INPP4A: variants seen among roughly 807,000 people sequenced by gnomAD.
The protein encoded by INPP4A is inositol polyphosphate-4-phosphatase type I A.
In INPP4A, 33 loss-of-function variants were observed where a neutral mutation model predicts 119.8. That is an observed-to-expected ratio of 0.28 (90% CI 0.21 to 0.37). The LOEUF (loss-of-function observed/expected upper bound fraction) is 0.37. Ranked by LOEUF, INPP4A falls within the 10% of genes least tolerant of loss-of-function variation. The pLI is 1.00. For missense variants in INPP4A, 956 were observed against 1,289.9 expected, an observed-to-expected ratio of 0.74 and a Z score of 3.97; for synonymous variants, 496 against 500.7, an observed-to-expected ratio of 0.99 and a Z score of 0.12.
rs745975131 is a variant in INPP4A, at chr2:98,546,716, G to A, written c.1163+22G>A. 3.5e-6 allele frequency: 5 copies of A among 1,410,488 alleles called. No individual in the cohort carries two copies. Among genetic ancestry groups the A allele is most frequent in the Non-Finnish European group, 5.0e-6 (5 of 994,514 alleles). 87.4% of individuals were successfully genotyped at this position (1,410,488 alleles called of 1,614,324 possible). A position where few individuals can be genotyped will look rare whatever the true frequency, so the allele number is the denominator to read the frequency against. On this transcript the variant is annotated intron_variant, in intron 13 of 24. Coordinates refer to ENST00000409851, the MANE Select transcript of INPP4A (RefSeq NM_001134225.2). The surrounding 1 kb of genome is among the most constrained non-coding windows in gnomAD (Gnocchi z 4.2). ...AACAGTAAGTAGCCAGAGAGGGTTT[G>A]TGGTCCTTGTACAGCTTTCTGATGC...
At chr2:98,448,513 T>C (rs1295129998) in intron 1 of INPP4A, among the ~76,000 whole-genome samples, 3 of 152,190 alleles carry the variant, frequency 2.0e-5, no homozygotes, top group Non-Finnish European at 4.4e-5. Context: ...GTCTCTGTAG[T>C]GTCCTTTAAT....
At chr2:98,518,552 G>T (rs1686582126) in intron 1 of INPP4A, among the ~76,000 whole-genome samples, 1 of 152,218 alleles carries the variant, frequency 6.6e-6, no homozygotes, top group African/African-American at 2.4e-5. Flanking sequence ...TCCTGTTCAC[G>T]CACATTTGGT....
chr2:98,506,023 G>C (rs1183950432), intron 1 of INPP4A, among the ~76,000 whole-genome samples: 1 of 152,144 alleles, frequency 6.6e-6, no homozygotes, highest in East Asian at 1.9e-4. Flanking sequence ...AAACATGAAT[G>C]ATACAAAAAA....
At chr2:98,490,068 G>A (rs1259362977) in intron 1 of INPP4A, among the ~76,000 whole-genome samples, 1 of 151,906 alleles carries the variant, frequency 6.6e-6, no homozygotes, top group East Asian at 2.0e-4. Context: ...TGACCATGGT[G>A]AGAGGTGCTC....
At chr2:98,541,860 C>T (rs1691529289) in intron 10 of INPP4A, among the ~76,000 whole-genome samples, 1 of 152,232 alleles carries the variant, frequency 6.6e-6, no homozygotes, top group South Asian at 2.1e-4. Flanking sequence ...GCTGGGATTC[C>T]AGGCATGACC....
intron 19 of INPP4A, 60 bp from the exon 20 acceptor site, chr2:98,565,580 G>A (rs1192388754): frequency 5.9e-5 from 91 of 1,539,986 alleles, no homozygotes; most frequent in Non-Finnish European, 7.8e-5. Context: ...GCCTTCTGCT[G>A]AGACTGGGGA....
At chr2:98,473,026 T>A (rs368552428) in intron 1 of INPP4A, among the ~76,000 whole-genome samples, 214 of 109,584 alleles carry the variant, frequency 2.0e-3, no homozygotes, top group African/African-American at 6.7e-3. Context: ...GTGAAGAGTG[T>A]GGAGGGCAGT....
chr2:98,565,682 T>C lies in INPP4A; in HGVS notation c.2195T>C (p.Met732Thr), dbSNP rs557468544. Residue 732 changes from methionine to threonine, a missense_variant, in exon 20 of 25, where the codon ATG becomes ACG. Physicochemically the swap from Met to Thr is moderately conservative, Grantham distance 81 (BLOSUM62 -1). Transcript: ENST00000409851. Reference sequence around the variant, plus strand: ...CTGGAGGACATGAGCCTTGGGATCATGGACTTGAGGAACGTGACCTTCAAA... The same window carrying C: ...CTGGAGGACATGAGCCTTGGGATCACGGACTTGAGGAACGTGACCTTCAAA... ...AMLEDMSLGI[M>T]DLRNVTFKVT... 213 of 1,613,182 alleles carry C rather than the reference T, an allele frequency of 1.3e-4. No individual in the cohort carries two copies. The highest frequency in any genetic ancestry group is 2.4e-4 in the African/African-American group (18 of 74,904).
intron 1 of INPP4A, among the ~76,000 whole-genome samples, chr2:98,449,563 T>G (rs79274795): frequency 0.015 from 2,359 of 152,296 alleles, 69 homozygotes; most frequent in African/African-American, 0.054. Flanking sequence ...GCTTATACTT[T>G]CCTTGTCCCA....
chr2:98,561,116 GA>G (rs1695396002), intron 17 of INPP4A, among the ~76,000 whole-genome samples: 1 of 152,188 alleles, frequency 6.6e-6, no homozygotes, highest in Non-Finnish European at 1.5e-5. Flanking sequence ...CCCTACTGAT[GA>G]GGGGAAAATG....
At chr2:98,572,658 C>T (rs1697675773) in intron 22 of INPP4A, among the ~76,000 whole-genome samples, 157 bp from the exon 23 acceptor site, 1 of 152,214 alleles carries the variant, frequency 6.6e-6, no homozygotes, top group Admixed American at 6.5e-5. Flanking sequence ...ACCACACCAG[C>T]AGCCATGTCC....
intron 1 of INPP4A, among the ~76,000 whole-genome samples, chr2:98,459,088 G>A (rs964547303): frequency 6.6e-6 from 1 of 152,250 alleles, no homozygotes; most frequent in African/African-American, 2.4e-5. Context: ...GGATTGCATA[G>A]TGCTCAGGCA....
rs201695585 is a variant in INPP4A at position 98,564,771 on chromosome 2, G to A, written c.2152+8G>A. 1.5e-4 allele frequency: 233 copies of A among 1,574,528 alleles called. 4 individuals are homozygous for A. The East Asian group carries it at 3.6e-3, about 24-fold the overall frequency. ...GCCTGCTGAGCACCTACGGTGAGGCGCCCGGGCCAGGATCGGGAGCCCCAC... is the reference window on the plus strand; with the variant it reads ...GCCTGCTGAGCACCTACGGTGAGGCACCCGGGCCAGGATCGGGAGCCCCAC... On this transcript the variant is annotated splice_region_variant and intron_variant, in intron 19 of 24. Coordinates refer to ENST00000409851, the MANE Select transcript of INPP4A (RefSeq NM_001134225.2).
chr2:98,471,915 T>C (rs1160533291), intron 1 of INPP4A, among the ~76,000 whole-genome samples: 1 of 152,154 alleles, frequency 6.6e-6, no homozygotes, highest in Non-Finnish European at 1.5e-5. Flanking sequence ...AGTAACAATC[T>C]TGGATGACTT....
At chr2:98,534,607 C>T (rs1276727761) in intron 5 of INPP4A, among the ~76,000 whole-genome samples, 1 of 152,174 alleles carries the variant, frequency 6.6e-6, no homozygotes, top group Non-Finnish European at 1.5e-5. Context: ...AGGGAAGGAT[C>T]ATGCAGGTTT....
chr2:98,468,821 CAG>C lies in INPP4A; in HGVS notation c.-166+23742_-166+23743del, dbSNP rs201994536. On this transcript the variant is annotated intron_variant, in intron 1 of 24. Transcript: ENST00000409851. ...AAAGCTCATGGCTGAGATTGAGAGC[CAG>C]AGAGACCCAAAGTCTCTACATCACG... Among the ~76,000 whole-genome samples the C allele has an allele frequency of 5.2e-3, 789 of 152,200 alleles. 11 individuals are homozygous for C. Among genetic ancestry groups the C allele is most frequent in the African/African-American group, 0.018 (733 of 41,504 alleles).
At chr2:98,587,423 T>G in intron 24 of INPP4A, 53 bp from the exon 25 acceptor site, 1 of 1,505,190 alleles carries the variant, frequency 6.6e-7, no homozygotes, top group Non-Finnish European at 8.9e-7. Context: ...GTTTAAGTCT[T>G]TTCTTTTTTC....
At chr2:98,450,496 C>T (rs1695034814) in intron 1 of INPP4A, among the ~76,000 whole-genome samples, 1 of 152,218 alleles carries the variant, frequency 6.6e-6, no homozygotes, top group Admixed American at 6.5e-5. Context: ...TCTGGTGCTG[C>T]ACTTTCTGTG....
At chr2:98,467,136 G>C (rs1226550519) in intron 1 of INPP4A, among the ~76,000 whole-genome samples, 1 of 152,112 alleles carries the variant, frequency 6.6e-6, no homozygotes, top group African/African-American at 2.4e-5. Context: ...GGGAGCGGGT[G>C]GTGGTGGTGG....
Sources: allele counts gnomAD v4.1 joint callset (sites outside exome capture counted in the v4.1 genomes callset), GRCh38; gene constraint gnomAD v4.1.1; non-coding constraint Gnocchi (gnomAD v3.1); transcripts MANE v1.5; gene names NCBI Gene and HGNC (gene_info 2026-07-23, HGNC 2026-07-21).